Variants in ZBTB20 observed in about 807,000 individuals in gnomAD.
ZBTB20 encodes zinc finger and BTB domain containing 20.
Under a neutral mutation model 56.9 loss-of-function variants are expected in ZBTB20, and 9 were observed. The observed-to-expected ratio is 0.16, with a 90% CI of 0.10 to 0.28. The LOEUF is 0.28. Ranked by LOEUF, ZBTB20 falls within the 10% of genes least tolerant of loss-of-function variation. ZBTB20 has a pLI of 1.00. For synonymous variants in ZBTB20, 417 were observed against 420.7 expected, an observed-to-expected ratio of 0.99 and a Z score of 0.11; for missense variants, 655 against 1,003.0, an observed-to-expected ratio of 0.65 and a Z score of 4.69.
chr3:114,652,930 C>T (rs183537860), intron 6 of ZBTB20, among the ~76,000 whole-genome samples: 7 of 151,876 alleles, frequency 4.6e-5, no homozygotes, highest in Admixed American at 3.3e-4. Context: ...GATTTTAAAA[C>T]TTCATTTTCA....
At chr3:114,786,549 C>G (rs73228331) in intron 5 of ZBTB20, among the ~76,000 whole-genome samples, 3,574 of 151,426 alleles carry the variant, frequency 0.024, 67 homozygotes, top group Non-Finnish European at 0.035. Flanking sequence ...ACAGAATTTC[C>G]AAGAGGAGTG....
chr3:114,799,419 T>C (rs2071561672), intron 5 of ZBTB20, among the ~76,000 whole-genome samples: 1 of 151,914 alleles, frequency 6.6e-6, no homozygotes, highest in African/African-American at 2.4e-5. Context: ...ATACCTCGTA[T>C]GATATGATAA....
intron 4 of ZBTB20, among the ~76,000 whole-genome samples, chr3:114,846,364 A>G (rs1209487490): frequency 6.6e-6 from 1 of 152,144 alleles, no homozygotes; most frequent in Admixed American, 6.5e-5. Flanking sequence ...TCCATCCACA[A>G]CAGACTAAAT....
At chr3:114,530,755 C>A (rs924128381) in intron 6 of ZBTB20, among the ~76,000 whole-genome samples, 14 of 152,098 alleles carry the variant, frequency 9.2e-5, no homozygotes, top group South Asian at 4.1e-4. Flanking sequence ...TCATGGCTGA[C>A]CTCTTTTGAG....
chr3:114,618,143 T>C (rs1262671624), intron 6 of ZBTB20, among the ~76,000 whole-genome samples: 1 of 151,596 alleles, frequency 6.6e-6, no homozygotes, highest in Non-Finnish European at 1.5e-5. Flanking sequence ...GTACATAATA[T>C]GAATTCCTCA....
chr3:114,530,795 T>C (rs909321665), intron 6 of ZBTB20, among the ~76,000 whole-genome samples: 8 of 152,182 alleles, frequency 5.3e-5, no homozygotes, highest in African/African-American at 1.9e-4. Flanking sequence ...TCAGTTTTAT[T>C]TTTTAATTCT....
rs535100712 is a variant in ZBTB20, at chr3:114,363,298, C to T, written c.200-11420G>A. 8.5e-5 allele frequency among the ~76,000 whole-genome samples: 13 copies of T among 152,048 alleles called. No individual in the cohort carries two copies. In the East Asian group the frequency reaches 1.2e-3, roughly 14 times the overall value. On this transcript the variant is annotated intron_variant, in intron 10 of 11. Transcript: ENST00000675478. ...TTGGCATGGGATTTTGACTATCTGCCGAGAGAGCCAGCAGAGAGGAGCAGA... is the reference window on the plus strand; with the variant it reads ...TTGGCATGGGATTTTGACTATCTGCTGAGAGAGCCAGCAGAGAGGAGCAGA...
intron 6 of ZBTB20, among the ~76,000 whole-genome samples, chr3:114,648,008 C>T (rs950987488): frequency 2.0e-5 from 3 of 152,064 alleles, no homozygotes; most frequent in African/African-American, 7.2e-5. Flanking sequence ...ACCTTTTAGA[C>T]ATTTTCCACA....
chr3:114,435,413 T>G (rs888089266), intron 7 of ZBTB20, among the ~76,000 whole-genome samples: 1 of 152,192 alleles, frequency 6.6e-6, no homozygotes, highest in Non-Finnish European at 1.5e-5. Context: ...ATTTTTTTTG[T>G]ATAAGAATCC....
intron 6 of ZBTB20, among the ~76,000 whole-genome samples, chr3:114,524,715 T>C (rs1349753133): frequency 6.6e-6 from 1 of 152,116 alleles, no homozygotes; most frequent in Non-Finnish European, 1.5e-5. Flanking sequence ...CTTGAGAATT[T>C]CCAATTTTTT....
intron 6 of ZBTB20, among the ~76,000 whole-genome samples, chr3:114,620,505 T>C (rs1430483939): frequency 6.6e-6 from 1 of 152,168 alleles, no homozygotes; most frequent in Non-Finnish European, 1.5e-5. Flanking sequence ...TTTATCAGGC[T>C]GGTCTCGAAC....
chr3:114,462,826 T>C (rs183959977), intron 7 of ZBTB20, among the ~76,000 whole-genome samples: 1 of 152,338 alleles, frequency 6.6e-6, no homozygotes, highest in East Asian at 1.9e-4. Flanking sequence ...CAGCTCTATA[T>C]ATGTGGAGAA....
At chr3:114,595,452 G>A (rs1002919760) in intron 6 of ZBTB20, among the ~76,000 whole-genome samples, 4 of 152,096 alleles carry the variant, frequency 2.6e-5, no homozygotes, top group Admixed American at 1.3e-4. Flanking sequence ...AAAATCTATG[G>A]TATATAGCAG....
intron 11 of ZBTB20, among the ~76,000 whole-genome samples, chr3:114,346,720 A>G (rs1402378075): frequency 7.1e-6 from 1 of 141,620 alleles, no homozygotes; most frequent in African/African-American, 2.6e-5. Context: ...GAGTCCTGCT[A>G]TGTTGCCCGG....
intron 7 of ZBTB20, among the ~76,000 whole-genome samples, chr3:114,396,214 T>C (rs2086324151): frequency 6.6e-6 from 1 of 152,160 alleles, no homozygotes; most frequent in Non-Finnish European, 1.5e-5. Flanking sequence ...TATTTGGTAT[T>C]ATCAGAGTTT....
rs2084165811 is a variant in ZBTB20 at position 114,380,324 on chromosome 3, G to A, written c.92C>T (p.Pro31Leu). ...ITQPGGSSAK[P>L]GLPCLNFEAV... ...TTCAAAGTTCAGGCAGGGAAGGCCC[G>A]GCTTGGCGCTGGATCCACCCGGCTG... is the stretch of plus-strand genomic sequence containing the variant. Residue 31 changes from proline (P) to leucine (L), a missense_variant, in exon 10 of 12, where the codon CCG becomes CTG. Transcript: ENST00000675478. 3.3e-6 allele frequency: 5 copies of A among 1,537,188 alleles called. No individual in the cohort carries two copies. Among genetic ancestry groups the A allele is most frequent in the Non-Finnish European group, 4.4e-6 (5 of 1,146,880 alleles).
At chr3:114,728,614 T>C (rs1008169828) in intron 5 of ZBTB20, among the ~76,000 whole-genome samples, 3 of 152,230 alleles carry the variant, frequency 2.0e-5, no homozygotes, top group Non-Finnish European at 2.9e-5. Context: ...TTACAGTAAC[T>C]GCCCCTCTCA....
intron 5 of ZBTB20, among the ~76,000 whole-genome samples, chr3:114,706,271 C>T (rs954280148): frequency 4.6e-5 from 7 of 152,070 alleles, no homozygotes; most frequent in African/African-American, 1.4e-4. Flanking sequence ...AGCACAAAGA[C>T]CCCCTCATAA....
At chr3:114,462,977 G>A (rs2092396270) in intron 7 of ZBTB20, among the ~76,000 whole-genome samples, 2 of 152,170 alleles carry the variant, frequency 1.3e-5, no homozygotes, top group South Asian at 4.1e-4. Flanking sequence ...TCTGTGCCTT[G>A]CAGGACAGTT....
Sources: gnomAD v4.1 joint callset for allele counts (sites outside exome capture counted in the v4.1 genomes callset) on GRCh38, gnomAD v4.1.1 for gene constraint, MANE v1.5 for transcripts, NCBI Gene and HGNC (gene_info 2026-07-23, HGNC 2026-07-21) for gene names.